The following TSNARE1 variants were observed in gnomAD, a reference collection of about 807,000 sequenced individuals.
TSNARE1 encodes the protein t-SNARE domain-containing protein 1.
A neutral mutation model predicts 62.0 loss-of-function variants in TSNARE1; 49 were observed. That is an observed-to-expected ratio of 0.79 (90% CI 0.63 to 1.00). The LOEUF (loss-of-function observed/expected upper bound fraction) is 1.00. Ranked by LOEUF, TSNARE1 falls within the 50% of genes least tolerant of loss-of-function variation. TSNARE1 has a pLI of 0.00. For synonymous variants in TSNARE1, 328 were observed against 294.4 expected (o/e 1.11, Z -1.17); for missense variants, 755 against 700.1 (o/e 1.08, Z -0.88).
At chr8:142,263,479 G>A (rs936938438) in intron 12 of TSNARE1, among the ~76,000 whole-genome samples, 3 of 152,186 alleles carry the variant, frequency 2.0e-5, no homozygotes, top group African/African-American at 7.2e-5. Flanking sequence ...GGGTGGACTG[G>A]CCTCAAACAT....
rs75361017 is a variant in TSNARE1, at chr8:142,291,385, G to A, written c.1291-6900C>T. 2.0e-3 allele frequency among the ~76,000 whole-genome samples: 310 copies of A among 152,238 alleles called. 2 individuals carry two copies. The highest frequency in any genetic ancestry group is 6.9e-3 in the African/African-American group (287 of 41,546). On this transcript the variant is annotated intron_variant, in intron 10 of 13. Transcript: ENST00000524325. The surrounding 1 kb of genome is among the most constrained non-coding windows in gnomAD (Gnocchi z 4.8). ...CCGTCATCTCTGACAAAATCAGAAC[G>A]TAGGAGTGTTCACTCTCACAGAGCT...
intron 10 of TSNARE1, among the ~76,000 whole-genome samples, chr8:142,288,265 T>G (rs947969637): frequency 3.3e-5 from 5 of 152,118 alleles, no homozygotes; most frequent in Non-Finnish European, 7.4e-5. Context: ...TCGGCCTCAG[T>G]GTTCCAGGCA....
intron 9 of TSNARE1, among the ~76,000 whole-genome samples, chr8:142,310,539 A>ATT (rs1224492029): frequency 6.6e-6 from 1 of 151,258 alleles, no homozygotes; most frequent in African/African-American, 2.5e-5. Flanking sequence ...GAGTTCTCTC[A>ATT]TTTTTGTGCC....
intron 1 of TSNARE1, 91 bp downstream of exon 1, chr8:142,403,013 C>T (rs1222593905): frequency 6.8e-6 from 1 of 147,710 alleles, no homozygotes; most frequent in Non-Finnish European, 1.5e-5. Flanking sequence ...CCCCGCCGGG[C>T]TCCGGGCCCC....
At chr8:142,348,411 T>C (rs1416856391) in intron 2 of TSNARE1, among the ~76,000 whole-genome samples, 2 of 152,090 alleles carry the variant, frequency 1.3e-5, no homozygotes, top group East Asian at 1.9e-4. Flanking sequence ...CGTGTGTCTA[T>C]CTCCTAAGAC....
intron 12 of TSNARE1, chr8:142,269,831 C>T (rs1352309071): frequency 1.4e-5 from 14 of 985,416 alleles, no homozygotes; most frequent in African/African-American, 3.5e-5. Flanking sequence ...GGAGGCCAGG[C>T]GTGCGCAGAA....
chr8:142,352,650 C>G (rs1487410844), intron 2 of TSNARE1, among the ~76,000 whole-genome samples: 1 of 152,250 alleles, frequency 6.6e-6, no homozygotes, highest in Non-Finnish European at 1.5e-5. Flanking sequence ...TCTCAGAACA[C>G]GATGCGTAAA....
At chr8:142,248,478 C>G (rs941543997) in intron 12 of TSNARE1, among the ~76,000 whole-genome samples, 2 of 152,104 alleles carry the variant, frequency 1.3e-5, no homozygotes, top group Non-Finnish European at 2.9e-5. Context: ...AAAGATTGCT[C>G]TTGCCTCACT....
At chr8:142,278,594 G>A (rs551938433) in intron 11 of TSNARE1, 5 of 985,354 alleles carry the variant, frequency 5.1e-6, no homozygotes, top group African/African-American at 3.5e-5. Context: ...CACGGAGGCG[G>A]CAGGAGGAAG....
intron 12 of TSNARE1, among the ~76,000 whole-genome samples, chr8:142,251,440 C>G (rs1393547607): frequency 6.6e-6 from 1 of 151,982 alleles, no homozygotes; most frequent in South Asian, 2.1e-4. Flanking sequence ...GCCCCTCCTG[C>G]AGCATCCCGA....
Position 142,221,660 on chromosome 8 carries a change from C to T in TSNARE1, c.*11+7813G>A, listed in dbSNP as rs559053077. On this transcript the variant is annotated intron_variant, in intron 13 of 13. Coordinates refer to ENST00000524325, the MANE Select transcript of TSNARE1 (RefSeq NM_145003.5). The stretch of plus-strand genomic sequence containing the variant: ...ATTGACTCGTTCATTCATCCACTCA[C>T]TCACTCACTCATCCACTCATCCACT... Among the ~76,000 whole-genome samples the T allele has an allele frequency of 4.0e-5, 6 of 148,252 alleles. No homozygotes were observed. In the East Asian group the frequency reaches 1.2e-3, roughly 29 times the overall value.
rs1350564758 is a variant in TSNARE1, at chr8:142,229,393, A to C, written c.*11+80T>G. On this transcript the variant is annotated intron_variant, in intron 13 of 13. Coordinates refer to ENST00000524325, the MANE Select transcript of TSNARE1 (RefSeq NM_145003.5). ...ATAGATGGATGGATGGTGGATGGTT[A>C]GATGGATGGTGGATAGGTGAATGAA... 4.4e-6 allele frequency: 5 copies of C among 1,131,290 alleles called. No individual in the cohort carries two copies. The African/African-American group carries it at 6.1e-5, about 14-fold the overall frequency. 70.1% of individuals were successfully genotyped at this position (1,131,290 alleles called of 1,614,324 possible).
chr8:142,403,369 C>T (rs1266144985), upstream of TSNARE1: 1 of 150,842 alleles, frequency 6.6e-6, no homozygotes, highest in Admixed American at 6.6e-5. Flanking sequence ...CCTCACTTGC[C>T]TGGTGGTGGG....
intron 1 of TSNARE1, chr8:142,402,831 T>G (rs1321628979): frequency 6.6e-6 from 1 of 152,108 alleles, no homozygotes; most frequent in Non-Finnish European, 1.5e-5. Flanking sequence ...GAGGGGCTCA[T>G]GTGCCCGCGG....
chr8:142,260,981 G>GA (rs1818839472), intron 12 of TSNARE1, among the ~76,000 whole-genome samples: 2 of 10,040 alleles, frequency 2.0e-4, no homozygotes, highest in Non-Finnish European at 2.8e-4. Flanking sequence ...AGGGAGGGAG[G>GA]GAGGAGAGAG....
In TSNARE1 at chr8:142,315,049, T is replaced by C; in HGVS notation, c.1028A>G (p.Lys343Arg). The C allele has an allele frequency of 3.1e-6, 5 of 1,614,126 alleles. No individual in the cohort carries two copies. Among genetic ancestry groups the C allele is most frequent in the Non-Finnish European group, 4.2e-6 (5 of 1,180,018 alleles). The change falls in exon 8 of 14, where the codon AAA becomes AGA. Residue 343 changes from lysine (K) to arginine (R), a missense_variant. Transcript: ENST00000524325. ...CTGAATGGCATCTGAGAGCTGGGTT[T>C]TCAGCCGGTCCAGCTGAGGACGCTC... ...QQERPQLDRL[K>R]TQLSDAIQCY...
chr8:142,396,316 G>A (rs1423003528), intron 1 of TSNARE1, among the ~76,000 whole-genome samples: 1 of 152,018 alleles, frequency 6.6e-6, no homozygotes, highest in African/African-American at 2.4e-5. Context: ...ACCATCCACA[G>A]GCAACCACAG....
At chr8:142,247,954 C>T (rs1817973653) in intron 12 of TSNARE1, 1 of 152,368 alleles carries the variant, frequency 6.6e-6, no homozygotes, top group Non-Finnish European at 1.5e-5. Context: ...GAATGATGCT[C>T]TTTTGCATGT....
intron 1 of TSNARE1, among the ~76,000 whole-genome samples, chr8:142,365,283 GT>G (rs1371316851): frequency 5.9e-5 from 9 of 152,172 alleles, no homozygotes; most frequent in African/African-American, 2.2e-4. Flanking sequence ...AAATGTCAAT[GT>G]TATCAAAGAC....
Sources: gnomAD v4.1 joint callset for allele counts (sites outside exome capture counted in the v4.1 genomes callset) on GRCh38, gnomAD v4.1.1 for gene constraint, Gnocchi (gnomAD v3.1) non-coding constraint, MANE v1.5 for transcripts, NCBI Gene and HGNC (gene_info 2026-07-23, HGNC 2026-07-21) for gene names.